GLG1: variants seen among roughly 807,000 people sequenced by gnomAD.
GLG1 encodes golgi glycoprotein 1.
A neutral mutation model predicts 160.5 loss-of-function variants in GLG1; 38 were observed. That is an observed-to-expected ratio of 0.24 (90% CI 0.18 to 0.31). The LOEUF (loss-of-function observed/expected upper bound fraction) is 0.31, where lower values mean the gene tolerates loss of function less well. GLG1 is among the 10% of genes least tolerant of loss of function. The pLI is 1.00. For synonymous variants in GLG1, 644 were observed against 543.4 expected (o/e 1.19, Z -2.57); for missense variants, 1,373 against 1,505.2 (o/e 0.91, Z 1.45).
At chr16:74,495,107 T>C (rs1201227021) in intron 5 of GLG1, among the ~76,000 whole-genome samples, 2 of 780 alleles carry the variant, frequency 2.6e-3, no homozygotes, top group Admixed American at 0.036. Context: ...AGTCTGAGTC[T>C]TTTTTTTTTT....
At chr16:74,506,882 A>G (rs953633875) in intron 3 of GLG1, among the ~76,000 whole-genome samples, 6 of 152,332 alleles carry the variant, frequency 3.9e-5, no homozygotes, top group South Asian at 2.1e-4. Context: ...TAAGAATAGG[A>G]GTAAACTCTG....
intron 3 of GLG1, among the ~76,000 whole-genome samples, chr16:74,505,785 G>A (rs142128945): frequency 6.6e-6 from 1 of 152,166 alleles, no homozygotes; most frequent in African/African-American, 2.4e-5. Context: ...AACCCGGCAG[G>A]CGGAGGTTGC....
intron 4 of GLG1, among the ~76,000 whole-genome samples, chr16:74,499,177 A>G (rs1041125125): frequency 2.0e-5 from 3 of 151,968 alleles, no homozygotes; most frequent in Non-Finnish European, 2.9e-5. Flanking sequence ...TTATGGGGTT[A>G]ATCTGGGTGA....
intron 23 of GLG1, among the ~76,000 whole-genome samples, chr16:74,459,163 C>T (rs1231236908): frequency 6.6e-6 from 1 of 152,172 alleles, no homozygotes; most frequent in African/African-American, 2.4e-5. Context: ...TCAATAATGA[C>T]ATCAGTGAAA....
chr16:74,506,029 TAAAAA>T (rs59306961), intron 3 of GLG1, among the ~76,000 whole-genome samples: 98 of 92,496 alleles, frequency 1.1e-3, no homozygotes, highest in South Asian at 3.1e-3. Flanking sequence ...GACTCCATCT[TAAAAA>T]AAAAAAAAAA....
At chr16:74,508,800 T>A in intron 3 of GLG1, 39 bp downstream of exon 3, 1 of 837,214 alleles carries the variant, frequency 1.2e-6, no homozygotes, top group Non-Finnish European at 2.1e-6. Flanking sequence ...TTTTCTCCTC[T>A]AAGCCATTAG....
At chr16:74,514,442 T>C (rs12927939) in intron 2 of GLG1, among the ~76,000 whole-genome samples, 41,587 of 152,172 alleles carry the variant, frequency 0.27, 6,174 homozygotes, top group Middle Eastern at 0.35. Context: ...AGCAGATCTC[T>C]TTGCAGAAAC....
chr16:74,549,302 CT>C (rs568213132), intron 1 of GLG1, among the ~76,000 whole-genome samples: 2 of 151,286 alleles, frequency 1.3e-5, no homozygotes, highest in Non-Finnish European at 3.0e-5. Flanking sequence ...TCTTCTCCAT[CT>C]TTTTTTTTGA....
chr16:74,537,365 AACAAAAAACCTC>A (rs1242163493), intron 1 of GLG1, among the ~76,000 whole-genome samples: 4 of 152,078 alleles, frequency 2.6e-5, no homozygotes, highest in Non-Finnish European at 4.4e-5. Context: ...TAAAAAACAA[AACAAAAAACCTC>A]ACAAAAAACA....
At position 74,535,364 on chromosome 16, in the gene GLG1, G is replaced by A. The variant is rs534403390; in HGVS notation, c.439-3211C>T. 4.6e-5 allele frequency among the ~76,000 whole-genome samples: 7 copies of A among 152,376 alleles called. No homozygotes were observed. In the South Asian group the frequency reaches 1.5e-3, roughly 32 times the overall value. On this transcript the variant is annotated intron_variant, in intron 1 of 25. Transcript: ENST00000422840. ...CACAAAAGTGCAAATCTGGACACCA[G>A]TGCTTGCTTTTCATCTCTTTTGCTA...
chr16:74,605,134 G>C (rs533067716), intron 1 of GLG1, among the ~76,000 whole-genome samples: 1 of 152,236 alleles, frequency 6.6e-6, no homozygotes, highest in South Asian at 2.1e-4. Flanking sequence ...ATTTCTGTAT[G>C]TAAAAACTGG....
At chr16:74,554,738 T>C (rs540714210) in intron 1 of GLG1, among the ~76,000 whole-genome samples, 39 of 152,314 alleles carry the variant, frequency 2.6e-4, no homozygotes, top group Admixed American at 2.3e-3. Context: ...ATCTAATTAA[T>C]ATTCATTTCC....
intron 11 of GLG1, among the ~76,000 whole-genome samples, chr16:74,478,510 T>C (rs1445045034): frequency 6.6e-6 from 1 of 152,176 alleles, no homozygotes; most frequent in African/African-American, 2.4e-5. Context: ...AGTAACTGTT[T>C]AATGAACACA....
At chr16:74,481,121 GA>G (rs1312596906) in intron 10 of GLG1, among the ~76,000 whole-genome samples, 1 of 152,204 alleles carries the variant, frequency 6.6e-6, no homozygotes, top group African/African-American at 2.4e-5. Context: ...AAGTAGGAAT[GA>G]AGTTCAATCC....
chr16:74,479,299 A>G (rs1167320202), intron 11 of GLG1, among the ~76,000 whole-genome samples: 2 of 151,274 alleles, frequency 1.3e-5, no homozygotes, highest in African/African-American at 2.4e-5. Flanking sequence ...ATTTAAAAAA[A>G]AAAAGAAAAG....
chr16:74,525,494 G>A (rs922693291), intron 2 of GLG1, among the ~76,000 whole-genome samples: 3 of 151,610 alleles, frequency 2.0e-5, no homozygotes, highest in Admixed American at 6.6e-5. Flanking sequence ...GGGGGTCTCC[G>A]TATGTTGCCC....
In GLG1 at chr16:74,494,776, T is replaced by G; in HGVS notation, c.1034A>C (p.Glu345Ala). 6.9e-7 allele frequency: 1 copy of G among 1,440,570 alleles called. No individual in the cohort carries two copies. The highest frequency in any genetic ancestry group is 1.7e-5 in the Admixed American group (1 of 59,758). 89.2% of individuals were successfully genotyped at this position (1,440,570 alleles called of 1,614,324 possible). ...YKCLFNHKFE[E>A]SMSEKCREAL... ...AATACTTACCTTTTCACTCATGGATTCTTCAAATTTATGGTTAAAGAGGCA... is the reference window on the plus strand; with the variant it reads ...AATACTTACCTTTTCACTCATGGATGCTTCAAATTTATGGTTAAAGAGGCA... Residue 345 changes from glutamate (E) to alanine (A), a missense_variant, in exon 6 of 26, where the codon GAA becomes GCA. This residue lies in a region of GLG1 where 174 missense variants were observed against 229.9 expected (regional missense o/e 0.76). Coordinates refer to ENST00000422840, the MANE Select transcript of GLG1 (RefSeq NM_001145667.2).
At chr16:74,592,552 A>G (rs1958209710) in intron 1 of GLG1, among the ~76,000 whole-genome samples, 1 of 152,172 alleles carries the variant, frequency 6.6e-6, no homozygotes, top group Non-Finnish European at 1.5e-5. Context: ...AGCGAACAAA[A>G]AGCATTATCT....
At chr16:74,603,746 T>C (rs1958499139) in intron 1 of GLG1, among the ~76,000 whole-genome samples, 2 of 152,074 alleles carry the variant, frequency 1.3e-5, no homozygotes. Flanking sequence ...TAAGCAACAG[T>C]ATCTTCTCTT....
Sources: gnomAD v4.1 joint callset for allele counts (sites outside exome capture counted in the v4.1 genomes callset) on GRCh38, gnomAD v4.1.1 for gene constraint, gnomAD v4.1.1 regional missense constraint, MANE v1.5 for transcripts, NCBI Gene and HGNC (gene_info 2026-07-23, HGNC 2026-07-21) for gene names.